Variants in NOLC1 observed in about 807,000 individuals in gnomAD.
The protein encoded by NOLC1 is nucleolar and coiled-body phosphoprotein 1.
Under a neutral mutation model 73.4 loss-of-function variants are expected in NOLC1, and 37 were observed. The observed-to-expected ratio is 0.50, with a 90% confidence interval of 0.39 to 0.66. The LOEUF is 0.66. Ranked by LOEUF, NOLC1 falls within the 30% of genes least tolerant of loss-of-function variation. NOLC1 has a pLI of 0.00. For missense variants in NOLC1, 921 were observed against 838.9 expected (o/e 1.10, Z -1.21); for synonymous variants, 327 against 302.6 (o/e 1.08, Z -0.84).
At chr10:102,161,136 A>G (rs371736786) in intron 10 of NOLC1, 43 bp downstream of exon 10, 105 of 1,546,464 alleles carry the variant, frequency 6.8e-5, no homozygotes, top group Middle Eastern at 3.5e-4. Context: ...TGTCCCCCCA[A>G]ATCAGGATGG....
rs528006661 is a variant in NOLC1 at position 102,162,969 on chromosome 10, T to C, written c.*700T>C. On this transcript the variant is annotated 3_prime_UTR_variant, in exon 13 of 13. Transcript: ENST00000605788. The stretch of plus-strand genomic sequence containing the variant: ...GTCATTCTGAATATATTTTTTTCTG[T>C]AATTTTATCATTACACGATGTTTGC... The C allele has an allele frequency of 6.6e-6, 1 of 152,234 alleles. No homozygotes were observed. Among genetic ancestry groups the C allele is most frequent in the Non-Finnish European group, 1.5e-5 (1 of 68,046 alleles). The allele number at this position is 152,234 out of a possible 1,614,324, so 9.4% of individuals were successfully genotyped here. A position where few individuals can be genotyped will look rare whatever the true frequency, so the allele number is the denominator to read the frequency against.
In NOLC1 at chr10:102,160,307, G is replaced by A. The variant is rs1341906114; in HGVS notation, c.1063G>A (p.Ala355Thr). The change falls in exon 9 of 13, where the codon GCA becomes ACA. Residue 355 changes from alanine (A) to threonine (T), a missense_variant. By Grantham distance (58) the Ala-to-Thr change is moderately conservative. Transcript: ENST00000605788. ...TAAAGCAACCACTAAACCACCTCCA[G>A]CAAAGAAAGCAGCAGAGAGCTCTTC... ...VSKATTKPPPAKKAAESSSDS... is the reference protein window; with the variant it reads ...VSKATTKPPPTKKAAESSSDS... 3 of 1,614,236 alleles carry A rather than the reference G, an allele frequency of 1.9e-6. No individual in the cohort carries two copies. Among genetic ancestry groups the A allele is most frequent in the Non-Finnish European group, 2.5e-6 (3 of 1,180,044 alleles).
rs780431612 is a variant in NOLC1 at position 102,158,178 on chromosome 10, A to T, written c.571A>T (p.Thr191Ser). ...KNQKPKITPVTVKAQTKAPPK... is the reference protein window; with the variant it reads ...KNQKPKITPVSVKAQTKAPPK... ...CCAGAAGCCAAAGATAACACCTGTGACAGTTAAAGCTCAGACTAAAGCCCC... is the reference window on the plus strand; with the variant it reads ...CCAGAAGCCAAAGATAACACCTGTGTCAGTTAAAGCTCAGACTAAAGCCCC... The change falls in exon 5 of 13, where the codon ACA becomes TCA. Residue 191 changes from threonine (T) to serine (S), a missense_variant. Thr to Ser is a moderately conservative substitution (Grantham distance 58). Transcript: ENST00000605788. 2 of 1,614,156 alleles carry T rather than the reference A, an allele frequency of 1.2e-6. No homozygotes were observed. The highest frequency in any genetic ancestry group is 1.7e-6 in the Non-Finnish European group (2 of 1,179,998).
intron 12 of NOLC1, 47 bp from the exon 13 acceptor site, chr10:102,162,064 C>G: frequency 6.2e-7 from 1 of 1,606,596 alleles, no homozygotes; most frequent in East Asian, 2.2e-5. Context: ...AGTGACAGGG[C>G]TCCAGCATGG....
At chr10:102,156,413 T>G (rs1448403384) in intron 1 of NOLC1, among the ~76,000 whole-genome samples, 3 of 151,510 alleles carry the variant, frequency 2.0e-5, no homozygotes, top group Non-Finnish European at 4.4e-5. Flanking sequence ...TAAGCCACTG[T>G]GCCCAGTCAA....
rs1466368873 is a variant in NOLC1, at chr10:102,162,827, C to T, written c.*558C>T. Reference sequence around the variant, plus strand: ...GTTAAGCATGCACTATGTATTTCATCCTCATTTATTGGGTCTGGGACTGAA... The same window carrying T: ...GTTAAGCATGCACTATGTATTTCATTCTCATTTATTGGGTCTGGGACTGAA... On this transcript the variant is annotated 3_prime_UTR_variant, in exon 13 of 13. Transcript: ENST00000605788. The T allele has an allele frequency of 6.6e-6, 1 of 152,218 alleles. No homozygotes were observed. The highest frequency in any genetic ancestry group is 1.9e-4 in the East Asian group (1 of 5,196). 9.4% of individuals were successfully genotyped at this position (152,218 alleles called of 1,614,324 possible).
chr10:102,159,850 AG>A, intron 7 of NOLC1, 45 bp from the exon 8 acceptor site: 1 of 1,465,502 alleles, frequency 6.8e-7, no homozygotes, highest in Admixed American at 2.8e-5. Context: ...TATCAAAAAA[AG>A]TTGTAGACAT....
rs560051483 is a variant in NOLC1, at chr10:102,159,995, A to G, written c.959A>G (p.Glu320Gly). The G allele has an allele frequency of 1.4e-5, 23 of 1,612,860 alleles. No individual in the cohort carries two copies. In the Admixed American group the frequency reaches 1.5e-4, roughly 11 times the overall value. Residue 320 changes from glutamate (E) to glycine (G), a missense_variant, in exon 8 of 13, where the codon GAA (glutamate) becomes GGA (glycine). Physicochemically the swap from Glu to Gly is moderately conservative, Grantham distance 98. Coordinates refer to ENST00000605788, the MANE Select transcript of NOLC1 (RefSeq NM_004741.5). ...GCTGTGGAGAAGCAGCAGCCTGTGG[A>G]AAGCAGTGAAGACAGCAGTGATGAG... The part of the protein sequence containing the change: ...KKAVEKQQPV[E>G]SSEDSSDESD...
intron 1 of NOLC1, among the ~76,000 whole-genome samples, chr10:102,153,072 G>T (rs1235441241): frequency 6.6e-6 from 1 of 152,240 alleles, no homozygotes; most frequent in Admixed American, 6.5e-5. Context: ...GCCCTACCAA[G>T]TAGGCATAGT....
Position 102,157,271 on chromosome 10 carries a change from A to T in NOLC1, c.259A>T (p.Ser87Cys), listed in dbSNP as rs1488951314. 1.2e-6 allele frequency: 2 copies of T among 1,614,132 alleles called. No individual in the cohort carries two copies. Among genetic ancestry groups the T allele is most frequent in the South Asian group, 1.1e-5 (1 of 91,086 alleles). ...KAKKKASSSDSEDSSEEEEEV... is the reference protein window; with the variant it reads ...KAKKKASSSDCEDSSEEEEEV... Reference sequence around the variant, plus strand: ...TAAGAAGAAGGCCTCATCCAGTGACAGTGAGGACAGCAGCGAGGAGGAGGA... The same window carrying T: ...TAAGAAGAAGGCCTCATCCAGTGACTGTGAGGACAGCAGCGAGGAGGAGGA... Residue 87 changes from serine (S) to cysteine (C), a missense_variant, in exon 3 of 13, where the codon AGT becomes TGT. By Grantham distance (112) the Ser-to-Cys change is moderately radical (BLOSUM62 -1). Coordinates refer to ENST00000605788, the MANE Select transcript of NOLC1 (RefSeq NM_004741.5).
intron 4 of NOLC1, among the ~76,000 whole-genome samples, chr10:102,157,773 A>C (rs2069624011): frequency 6.6e-6 from 1 of 152,052 alleles, no homozygotes; most frequent in South Asian, 2.1e-4. Context: ...AATTAAACCC[A>C]TTCTGCTTGA....
rs746348969 is a variant in NOLC1 at position 102,160,222 on chromosome 10, G to A, written c.989-11G>A. 1.4e-5 allele frequency: 22 copies of A among 1,611,808 alleles called. 1 individual carries two copies. The South Asian group carries it at 2.3e-4, about 17-fold the overall frequency. On this transcript the variant is annotated splice_polypyrimidine_tract_variant and intron_variant, in intron 8 of 12. Transcript: ENST00000605788. ...CTCTGGACCCAGCATAATGCTACAG[G>A]TTCTCCTCAGATTCAAGTTCTGAAG... is the stretch of plus-strand genomic sequence containing the variant.
rs2069522799 is a variant in NOLC1, at chr10:102,152,509, G to A, written c.99G>A (p.Lys33=). 4 of 1,613,834 alleles carry A rather than the reference G, an allele frequency of 2.5e-6. No homozygotes were observed. Among genetic ancestry groups the A allele is most frequent in the East Asian group, 2.2e-5 (1 of 44,886 alleles). The change falls in exon 1 of 13, where the codon AAG becomes AAA. Residue 33 remains lysine, a synonymous_variant. Transcript: ENST00000605788. ...RDNQLSEVAN[K]FAKATGATQQ... is the part of the protein sequence containing the mutation. ...ACCAACTCTCAGAGGTGGCCAATAA[G>A]TTCGCCAAAGCGACAGGAGCTGTGA... is the stretch of plus-strand genomic sequence containing the variant.
In NOLC1 at chr10:102,162,239, G is replaced by A. The variant is rs1346363518; in HGVS notation, c.2070G>A (p.Gln690=). 1.9e-6 allele frequency: 3 copies of A among 1,614,068 alleles called. No individual in the cohort carries two copies. Among genetic ancestry groups the A allele is most frequent in the Admixed American group, 3.3e-5 (2 of 60,012 alleles). Residue 690 remains glutamine (Q), a synonymous_variant, in exon 13 of 13, where the codon CAG becomes CAA. Transcript: ENST00000605788. The part of the protein sequence containing the change: ...GSYRGGSISV[Q]VNSIKFDSE ...ACCGGGGAGGCTCAATCTCTGTCCA[G>A]GTCAATTCTATTAAGTTTGACAGCG...
rs1318664088 is a variant in NOLC1, at chr10:102,160,111, G to A, written c.988+87G>A. ...GGAGAGAGAAAGCCTTCCATCCTTCGGTTGCTTTTTGCTTAAAGCAAGACA... is the reference window on the plus strand; with the variant it reads ...GGAGAGAGAAAGCCTTCCATCCTTCAGTTGCTTTTTGCTTAAAGCAAGACA... On this transcript the variant is annotated intron_variant, in intron 8 of 12. Transcript: ENST00000605788. 15 of 1,587,304 alleles carry A rather than the reference G, an allele frequency of 9.4e-6. 1 individual carries two copies. Among genetic ancestry groups the A allele is most frequent in the South Asian group, 6.9e-5 (6 of 87,274 alleles).
intron 1 of NOLC1, among the ~76,000 whole-genome samples, chr10:102,156,754 T>C (rs2069602094): frequency 6.6e-6 from 1 of 152,052 alleles, no homozygotes; most frequent in Non-Finnish European, 1.5e-5. Flanking sequence ...TTGTTTTGTT[T>C]TAGGACTTTG....
intron 10 of NOLC1, 113 bp from the exon 11 acceptor site, chr10:102,161,443 G>A (rs564265077): frequency 5.8e-5 from 44 of 752,902 alleles, no homozygotes; most frequent in South Asian, 5.3e-4. Flanking sequence ...TATTGCCCAG[G>A]CTGATCTGAA....
chr10:102,156,560 C>A (rs937924246), intron 1 of NOLC1, among the ~76,000 whole-genome samples: 2 of 151,970 alleles, frequency 1.3e-5, no homozygotes, highest in Non-Finnish European at 2.9e-5. Context: ...GCTTCAGCCT[C>A]CCAAGTAGCT....
At chr10:102,160,137 G>C (rs1698748198) in intron 8 of NOLC1, 96 bp from the exon 9 acceptor site, 1 of 1,593,482 alleles carries the variant, frequency 6.3e-7, no homozygotes, top group Non-Finnish European at 8.6e-7. Flanking sequence ...AAGCAAGACA[G>C]AGCTAAGGCT....
Sources: allele counts gnomAD v4.1 joint callset (sites outside exome capture counted in the v4.1 genomes callset), GRCh38; gene constraint gnomAD v4.1.1; transcripts MANE v1.5; gene names NCBI Gene and HGNC (gene_info 2026-07-23, HGNC 2026-07-21).